Variants in SORCS1 observed in about 807,000 individuals in gnomAD.
The protein encoded by SORCS1 is sortilin related VPS10 domain containing receptor 1.
A neutral mutation model predicts 146.1 loss-of-function variants in SORCS1; 60 were observed. That is an observed-to-expected ratio of 0.41 (90% CI 0.33 to 0.51). SORCS1 has a LOEUF of 0.51. SORCS1 is among the 20% of genes least tolerant of loss of function. The probability of loss-of-function intolerance (pLI) is 0.21; values close to 1 mark genes in which losing one functional copy is unlikely to be tolerated. For synonymous variants in SORCS1, 637 were observed against 584.0 expected (o/e 1.09, Z -1.31); for missense variants, 1,352 against 1,487.6 (o/e 0.91, Z 1.50).
At chr10:106,779,884 AAATT>A (rs1393974547) in intron 3 of SORCS1, among the ~76,000 whole-genome samples, 2 of 152,196 alleles carry the variant, frequency 1.3e-5, no homozygotes, top group African/African-American at 2.4e-5. Flanking sequence ...CACAACCTTC[AAATT>A]AATTAAATTA....
At chr10:106,966,394 A>G (rs750392524) in intron 1 of SORCS1, among the ~76,000 whole-genome samples, 54 of 152,252 alleles carry the variant, frequency 3.5e-4, no homozygotes, top group Non-Finnish European at 6.9e-4. Flanking sequence ...GGGTACAAGA[A>G]AGCATCCAGA....
At chr10:106,838,270 T>C (rs1313017727) in intron 2 of SORCS1, among the ~76,000 whole-genome samples, 1 of 152,188 alleles carries the variant, frequency 6.6e-6, no homozygotes, top group Non-Finnish European at 1.5e-5. Flanking sequence ...TTTTTTTAAA[T>C]TAATAACCTT....
chr10:106,888,594 G>A (rs746042295), intron 2 of SORCS1, among the ~76,000 whole-genome samples: 4 of 152,146 alleles, frequency 2.6e-5, no homozygotes, highest in Non-Finnish European at 5.9e-5. Flanking sequence ...ATAAAATGAG[G>A]GTAGTAATAA....
chr10:107,107,471 A>T (rs1353912797), intron 1 of SORCS1, among the ~76,000 whole-genome samples: 1 of 152,222 alleles, frequency 6.6e-6, no homozygotes, highest in Non-Finnish European at 1.5e-5. Flanking sequence ...AGGCAATCGG[A>T]TACTAGGCTG....
rs552016939 is a variant in SORCS1, at chr10:107,017,828, G to GT, written c.559-61249dup. Among the ~76,000 whole-genome samples, 419 of 151,516 alleles carry GT rather than the reference G, an allele frequency of 2.8e-3. 2 individuals carry two copies. The highest frequency in any genetic ancestry group is 8.8e-3 in the African/African-American group (364 of 41,314). On this transcript the variant is annotated intron_variant, in intron 1 of 25. Coordinates refer to ENST00000263054, the MANE Select transcript of SORCS1 (RefSeq NM_052918.5). ...ACCACGCCCGGCTATTTTTTTGTTT[G>GT]TTTTTTTGTAGTTTTTTAGTAGAGA... is the stretch of plus-strand genomic sequence containing the variant.
At chr10:106,717,288 G>A (rs181800465) in intron 6 of SORCS1, among the ~76,000 whole-genome samples, 15 of 152,198 alleles carry the variant, frequency 9.9e-5, no homozygotes, top group African/African-American at 3.1e-4. Context: ...CACTCATCAC[G>A]CACGCACACA....
rs551722792 is a variant in SORCS1, at chr10:106,851,486, G to C, written c.627-21813C>G. Among the ~76,000 whole-genome samples the C allele has an allele frequency of 4.6e-5, 7 of 152,210 alleles. No homozygotes were observed. In the East Asian group the frequency reaches 1.4e-3, roughly 29 times the overall value. Reference sequence around the variant, plus strand: ...ACTTTTCCTCATTGCATGGGCTTTGGTCTTTTGTGAAAGATCAGCTGACTA... The same window carrying C: ...ACTTTTCCTCATTGCATGGGCTTTGCTCTTTTGTGAAAGATCAGCTGACTA... On this transcript the variant is annotated intron_variant, in intron 2 of 25. Transcript: ENST00000263054.
intron 24 of SORCS1, among the ~76,000 whole-genome samples, chr10:106,584,299 GT>G (rs1485823462): frequency 6.6e-6 from 1 of 152,138 alleles, no homozygotes; most frequent in Non-Finnish European, 1.5e-5. Flanking sequence ...GAGTCTTAAA[GT>G]TTCCTATGTT....
chr10:106,973,619 GA>G (rs200554805), intron 1 of SORCS1, among the ~76,000 whole-genome samples: 58 of 150,188 alleles, frequency 3.9e-4, no homozygotes, highest in East Asian at 1.6e-3. Context: ...GGCGGCTCTA[GA>G]AAAAAAAAAT....
At chr10:107,085,390 G>A (rs533424272) in intron 1 of SORCS1, among the ~76,000 whole-genome samples, 1 of 152,306 alleles carries the variant, frequency 6.6e-6, no homozygotes, top group African/African-American at 2.4e-5. Flanking sequence ...CATTAAGACT[G>A]AAAATGGTTA....
intron 1 of SORCS1, among the ~76,000 whole-genome samples, chr10:106,981,184 T>C (rs1053155074): frequency 6.6e-6 from 1 of 152,030 alleles, no homozygotes. Flanking sequence ...TCCAGATAAA[T>C]AAATAAATAC....
chr10:106,631,198 G>A (rs183143110), intron 18 of SORCS1, among the ~76,000 whole-genome samples: 64 of 152,296 alleles, frequency 4.2e-4, no homozygotes, highest in Non-Finnish European at 5.0e-4. Context: ...CAAGCATTGT[G>A]TGTGGGGCTC....
intron 23 of SORCS1, among the ~76,000 whole-genome samples, chr10:106,602,512 AACACACACACACACACAC>A (rs66699179): frequency 7.2e-6 from 1 of 138,764 alleles, no homozygotes; most frequent in Non-Finnish European, 1.6e-5. Flanking sequence ...ATTCCTTCAT[AACACACACACACACACAC>A]ACACACACAC....
Position 107,164,216 on chromosome 10 carries a change from C to G in SORCS1, c.311G>C (p.Arg104Pro). Residue 104 changes from arginine (R) to proline (P), a missense_variant, in exon 1 of 26, where the codon CGC (arginine) becomes CCC (proline). Physicochemically the swap from Arg to Pro is moderately radical, Grantham distance 103 (BLOSUM62 -2). Transcript: ENST00000263054. This position sits in a 1 kb window ranked among gnomAD's most constrained non-coding sequence, Gnocchi z 6.8. ...GTGASMAVAA[R>P]SGRRRRSGAD... ...TCCGCTCCGTCTCCTCCGGCCGGAG[C>G]GTGCAGCAACCGCCATGGATGCCCC... is the stretch of plus-strand genomic sequence containing the variant. 1.2e-6 allele frequency: 2 copies of G among 1,608,482 alleles called. No individual in the cohort carries two copies. The highest frequency in any genetic ancestry group is 1.7e-5 in the Admixed American group (1 of 60,010).
chr10:106,883,408 A>C (rs1009300341), intron 2 of SORCS1, among the ~76,000 whole-genome samples: 8 of 145,326 alleles, frequency 5.5e-5, no homozygotes, highest in Admixed American at 5.0e-4. Context: ...AAATATAATT[A>C]GCAAATGTAT....
At chr10:106,882,864 T>G (rs1318122847) in intron 2 of SORCS1, among the ~76,000 whole-genome samples, 1 of 152,176 alleles carries the variant, frequency 6.6e-6, no homozygotes, top group African/African-American at 2.4e-5. Flanking sequence ...AACCTCCTGA[T>G]GATTGTTGAG....
intron 1 of SORCS1, among the ~76,000 whole-genome samples, chr10:107,049,281 A>C (rs1391842608): frequency 1.3e-5 from 1 of 76,706 alleles, no homozygotes; most frequent in African/African-American, 5.3e-5. Context: ...GGGTGGGGGG[A>C]GGGGGGAGGG....
the SORCS1 span, among the ~76,000 whole-genome samples, chr10:107,177,131 TG>T: frequency 2.6e-3 from 395 of 152,284 alleles, no homozygotes; most frequent in African/African-American, 8.8e-3. Flanking sequence ...AAATCGACTT[TG>T]TATATTAATA....
chr10:106,699,705 T>C (rs1054321810), intron 8 of SORCS1, among the ~76,000 whole-genome samples: 5 of 152,182 alleles, frequency 3.3e-5, no homozygotes, highest in African/African-American at 1.2e-4. Context: ...TCAAGCATCC[T>C]GATATTTTTG....
Sources: allele counts gnomAD v4.1 joint callset (sites outside exome capture counted in the v4.1 genomes callset), GRCh38; gene constraint gnomAD v4.1.1; non-coding constraint Gnocchi (gnomAD v3.1); transcripts MANE v1.5; gene names NCBI Gene and HGNC (gene_info 2026-07-23, HGNC 2026-07-21).